The following DGKB variants were observed in gnomAD, a reference collection of about 807,000 sequenced individuals.
DGKB encodes the protein 90 kDa diacylglycerol kinase.
A neutral mutation model predicts 114.3 loss-of-function variants in DGKB; 67 were observed. The ratio of observed to expected loss-of-function variants is 0.59; its 90% confidence interval spans 0.48 to 0.72. The LOEUF is 0.72. Ranked by LOEUF, DGKB falls within the 30% of genes least tolerant of loss-of-function variation. The pLI is 0.00. For synonymous variants in DGKB, 398 were observed against 323.1 expected (o/e 1.23, Z -2.49); for missense variants, 907 against 975.2 (o/e 0.93, Z 0.93).
At chr7:14,705,550 A>T (rs531563603) in intron 6 of DGKB, among the ~76,000 whole-genome samples, 41 of 150,974 alleles carry the variant, frequency 2.7e-4, no homozygotes, top group Admixed American at 9.3e-4. Flanking sequence ...AAAAAATGTT[A>T]AGGGCAGCCA....
intron 23 of DGKB, among the ~76,000 whole-genome samples, chr7:14,243,460 G>A (rs12534437): frequency 0.76 from 116,136 of 152,156 alleles, 44,671 homozygotes; most frequent in Non-Finnish European, 0.81. Context: ...ATTAGATTTT[G>A]ATAATGAATA....
chr7:14,728,468 G>T (rs1830345725), intron 5 of DGKB, among the ~76,000 whole-genome samples: 1 of 152,062 alleles, frequency 6.6e-6, no homozygotes, highest in Non-Finnish European at 1.5e-5. Context: ...ACCTCTCAGT[G>T]CTCCTAACAA....
intron 23 of DGKB, among the ~76,000 whole-genome samples, chr7:14,272,090 T>G (rs1344608759): frequency 6.6e-6 from 1 of 152,192 alleles, no homozygotes; most frequent in Admixed American, 6.5e-5. Context: ...ATATACAACT[T>G]AATAATCTGA....
chr7:14,826,674 A>T (rs749061795), intron 2 of DGKB, among the ~76,000 whole-genome samples: 1 of 152,162 alleles, frequency 6.6e-6, no homozygotes, highest in Non-Finnish European at 1.5e-5. Flanking sequence ...ACCTTAGGCA[A>T]ATAAATTATT....
At chr7:14,600,518 A>T (rs1235947917) in intron 17 of DGKB, among the ~76,000 whole-genome samples, 1 of 152,194 alleles carries the variant, frequency 6.6e-6, no homozygotes, top group Non-Finnish European at 1.5e-5. Context: ...TCTAAATAAT[A>T]CAGAGTTACC....
chr7:14,786,693 T>G (rs1839947366), intron 2 of DGKB, among the ~76,000 whole-genome samples: 1 of 152,240 alleles, frequency 6.6e-6, no homozygotes, highest in South Asian at 2.1e-4. Context: ...GCTGAGCCTG[T>G]GTCACAACCT....
intron 13 of DGKB, among the ~76,000 whole-genome samples, chr7:14,669,315 C>T (rs1344445215): frequency 6.6e-6 from 1 of 152,156 alleles, no homozygotes; most frequent in African/African-American, 2.4e-5. Flanking sequence ...AATTGTCCCA[C>T]CCAATATAAA....
At chr7:14,655,033 A>G (rs1278409589) in intron 13 of DGKB, among the ~76,000 whole-genome samples, 1 of 151,796 alleles carries the variant, frequency 6.6e-6, no homozygotes, top group East Asian at 1.9e-4. Context: ...GACAAACAAG[A>G]CTATATGAAA....
intron 4 of DGKB, among the ~76,000 whole-genome samples, chr7:14,741,303 G>C (rs908254316): frequency 9.2e-5 from 14 of 152,142 alleles, no homozygotes; most frequent in Non-Finnish European, 1.0e-4. Flanking sequence ...ACCAGTAAAA[G>C]GAATGGTAGG....
chr7:14,739,920 G>C (rs1244868339), intron 4 of DGKB, among the ~76,000 whole-genome samples: 1 of 152,220 alleles, frequency 6.6e-6, no homozygotes, highest in East Asian at 1.9e-4. Context: ...GGAAGTGGTG[G>C]CTCCCTGCCC....
chr7:14,829,800 G>A (rs1469441271), intron 2 of DGKB, among the ~76,000 whole-genome samples: 1 of 152,036 alleles, frequency 6.6e-6, no homozygotes, highest in East Asian at 1.9e-4. Context: ...AAGCAGCTTT[G>A]GAAAAGACAA....
At chr7:14,612,537 T>C (rs906122195) in intron 16 of DGKB, among the ~76,000 whole-genome samples, 4 of 152,118 alleles carry the variant, frequency 2.6e-5, no homozygotes, top group African/African-American at 4.8e-5. Flanking sequence ...AGTTAAATGG[T>C]AGAAAAAAAT....
chr7:14,784,216 T>G (rs1839532847), intron 2 of DGKB, among the ~76,000 whole-genome samples: 1 of 152,250 alleles, frequency 6.6e-6, no homozygotes, highest in African/African-American at 2.4e-5. Context: ...TCTTTTACTT[T>G]ACTGCTCTGT....
At chr7:14,791,128 G>A (rs1426701717) in intron 2 of DGKB, among the ~76,000 whole-genome samples, 1 of 152,070 alleles carries the variant, frequency 6.6e-6, no homozygotes, top group African/African-American at 2.4e-5. Flanking sequence ...ACTGTGCCTG[G>A]CAGAATTTTT....
intron 20 of DGKB, among the ~76,000 whole-genome samples, chr7:14,539,719 C>T (rs10228555): frequency 0.5 from 75,610 of 151,816 alleles, 19,588 homozygotes; most frequent in East Asian, 0.83. Context: ...ACTATAAAGG[C>T]TTACACTTAG....
At chr7:14,248,307 T>G (rs1168563065) in intron 23 of DGKB, among the ~76,000 whole-genome samples, 1 of 152,140 alleles carries the variant, frequency 6.6e-6, no homozygotes, top group Non-Finnish European at 1.5e-5. Flanking sequence ...ATATTCTACT[T>G]GTACAAGATT....
In DGKB at chr7:14,553,912, G is replaced by A. The variant is rs547851777; in HGVS notation, c.1770+20300C>T. 2.2e-3 allele frequency among the ~76,000 whole-genome samples: 260 copies of A among 116,068 alleles called. 1 individual carries two copies. The highest frequency in any genetic ancestry group is 8.6e-3 in the Middle Eastern group (1 of 116). The allele number at this position is 116,068 out of a possible 152,430, so 76.1% of individuals were successfully genotyped here. ...TTTTGAGACGGAGTCTCGCTCTGTC[G>A]CCCAGGCTGGAGTGCAGTGGCGGGA... On this transcript the variant is annotated intron_variant, in intron 20 of 25. Coordinates refer to ENST00000402815, the MANE Select transcript of DGKB (RefSeq NM_001350709.2).
intron 23 of DGKB, among the ~76,000 whole-genome samples, chr7:14,319,668 T>G (rs965579801): frequency 5.3e-5 from 8 of 152,184 alleles, no homozygotes; most frequent in Non-Finnish European, 2.9e-5. Context: ...CAATAAATGA[T>G]ATGTAGGCTG....
At chr7:14,545,093 CTT>C (rs1563464970) in intron 20 of DGKB, among the ~76,000 whole-genome samples, 11 of 151,772 alleles carry the variant, frequency 7.2e-5, no homozygotes, top group Admixed American at 6.6e-4. Context: ...TGTTTTATCT[CTT>C]TGTCAATTTT....
Sources: allele counts gnomAD v4.1 joint callset (sites outside exome capture counted in the v4.1 genomes callset), GRCh38; gene constraint gnomAD v4.1.1; transcripts MANE v1.5; gene names NCBI Gene and HGNC (gene_info 2026-07-23, HGNC 2026-07-21).